Variants in RTN1 observed in about 807,000 individuals in gnomAD.
RTN1 encodes reticulon-1.
A neutral mutation model predicts 65.5 loss-of-function variants in RTN1; 25 were observed. The observed-to-expected ratio is 0.38, with a 90% CI of 0.28 to 0.53. The LOEUF (loss-of-function observed/expected upper bound fraction) is 0.53. Among genes scored for constraint, RTN1 ranks in the 20% least tolerant of loss-of-function variants. The probability of loss-of-function intolerance (pLI) is 0.79; values close to 1 mark genes in which losing one functional copy is unlikely to be tolerated. For missense variants in RTN1, 983 were observed against 1,025.4 expected (o/e 0.96, Z 0.57); for synonymous variants, 471 against 447.6 (o/e 1.05, Z -0.66).
chr14:59,710,740 G>C (rs957952088), intron 3 of RTN1, among the ~76,000 whole-genome samples: 1 of 152,194 alleles, frequency 6.6e-6, no homozygotes, highest in Non-Finnish European at 1.5e-5. Flanking sequence ...ATCCACAAAG[G>C]ACAGCCCATC....
chr14:59,610,226 G>A, intron 3 of RTN1: 1 of 714,550 alleles, frequency 1.4e-6, no homozygotes, highest in Admixed American at 2.1e-5. Context: ...GACTTTCCTT[G>A]AAGAAACTGT....
intron 3 of RTN1, 66 bp downstream of exon 3, chr14:59,726,853 C>G: frequency 1.4e-6 from 2 of 1,424,080 alleles, no homozygotes; most frequent in Non-Finnish European, 1.9e-6. Context: ...AGAACCGCCC[C>G]TGCTGAATGC....
rs1334208224 is a variant in RTN1 at position 59,870,657 on chromosome 14, G to A, written c.-27C>T. The A allele has an allele frequency of 2.2e-5, 30 of 1,353,914 alleles. No individual in the cohort carries two copies. Among genetic ancestry groups the A allele is most frequent in the Admixed American group, 3.7e-5 (1 of 27,008 alleles). The allele number at this position is 1,353,914 out of a possible 1,614,324, so 83.9% of individuals were successfully genotyped here. ...GCTGGCGGTCCCCCGGCGCGGCGAC[G>A]GCGGCTTGGCTGGGCAGAGGCTCGG... On this transcript the variant is annotated 5_prime_UTR_variant, in exon 1 of 9. Coordinates refer to ENST00000267484, the MANE Select transcript of RTN1 (RefSeq NM_021136.3). The surrounding 1 kb of genome is among the most constrained non-coding windows in gnomAD (Gnocchi z 5.1).
intron 3 of RTN1, among the ~76,000 whole-genome samples, chr14:59,678,218 G>A (rs867624713): frequency 3.3e-5 from 5 of 152,154 alleles, no homozygotes; most frequent in Admixed American, 1.3e-4. Context: ...GTAGGGGTGC[G>A]TGGGGAATGT....
intron 1 of RTN1, among the ~76,000 whole-genome samples, chr14:59,866,277 T>C (rs1220801764): frequency 6.6e-6 from 1 of 152,062 alleles, no homozygotes; most frequent in African/African-American, 2.4e-5. Flanking sequence ...ACCGCAATGG[T>C]TTCTCACTTT....
intron 3 of RTN1, among the ~76,000 whole-genome samples, chr14:59,711,297 CTT>C (rs1348588017): frequency 6.6e-6 from 1 of 152,216 alleles, no homozygotes; most frequent in African/African-American, 2.4e-5. Flanking sequence ...CAACTCAAGT[CTT>C]TTATTGCCTA....
At chr14:59,686,763 C>T (rs1259593438) in intron 3 of RTN1, among the ~76,000 whole-genome samples, 1 of 152,146 alleles carries the variant, frequency 6.6e-6, no homozygotes, top group Non-Finnish European at 1.5e-5. Context: ...TTTCTCCAAG[C>T]CCTGGAGGTA....
At chr14:59,693,769 T>C (rs1884008020) in intron 3 of RTN1, among the ~76,000 whole-genome samples, 1 of 152,250 alleles carries the variant, frequency 6.6e-6, no homozygotes, top group Non-Finnish European at 1.5e-5. Context: ...TGAATGCTGC[T>C]GTCCAAAGTT....
chr14:59,840,643 A>T (rs1887294093), intron 1 of RTN1, among the ~76,000 whole-genome samples: 1 of 152,184 alleles, frequency 6.6e-6, no homozygotes, highest in African/African-American at 2.4e-5. Flanking sequence ...TAATTCCAAA[A>T]CTAAAATATT....
chr14:59,640,003 T>C (rs186524184), intron 3 of RTN1, among the ~76,000 whole-genome samples: 2 of 152,348 alleles, frequency 1.3e-5, no homozygotes, highest in East Asian at 3.8e-4. Flanking sequence ...TCTTGCAATA[T>C]GCTTGTACAT....
chr14:59,733,519 G>C (rs1884944718), intron 2 of RTN1, among the ~76,000 whole-genome samples: 2 of 152,290 alleles, frequency 1.3e-5, no homozygotes, highest in South Asian at 4.1e-4. Flanking sequence ...CTGGGATGGA[G>C]TGCTCAGAGG....
chr14:59,660,977 G>C (rs758551225), intron 3 of RTN1, among the ~76,000 whole-genome samples: 4 of 151,254 alleles, frequency 2.6e-5, no homozygotes, highest in Non-Finnish European at 4.4e-5. Flanking sequence ...AAACAAAATA[G>C]ATAAGACTGC....
chr14:59,707,893 T>C (rs962716667), intron 3 of RTN1, among the ~76,000 whole-genome samples: 9 of 152,024 alleles, frequency 5.9e-5, no homozygotes, highest in African/African-American at 1.7e-4. Context: ...TGAAAAGAGA[T>C]TGCTGTGTTC....
At chr14:59,721,582 A>T (rs1884647916) in intron 3 of RTN1, among the ~76,000 whole-genome samples, 3 of 152,162 alleles carry the variant, frequency 2.0e-5, no homozygotes, top group African/African-American at 7.2e-5. Flanking sequence ...CTGAACAAGC[A>T]CTCCAAAAGG....
chr14:59,651,859 T>A (rs1883027172), intron 3 of RTN1, among the ~76,000 whole-genome samples: 1 of 152,102 alleles, frequency 6.6e-6, no homozygotes, highest in Admixed American at 6.6e-5. Context: ...TTAATTTAAA[T>A]TAAATTTGTT....
rs544596206 is a variant in RTN1, at chr14:59,676,102, A to G, written c.1765+50817T>C. ...CATCATTGTATCATTAATACCTAGC[A>G]TAGTGACTGACATATGGCAGACAGT... On this transcript the variant is annotated intron_variant, in intron 3 of 8. Coordinates refer to ENST00000267484, the MANE Select transcript of RTN1 (RefSeq NM_021136.3). Among the ~76,000 whole-genome samples the G allele has an allele frequency of 4.1e-4, 62 of 152,344 alleles. 2 individuals carry two copies. In the South Asian group the frequency reaches 0.013, roughly 32 times the overall value.
rs201164896 is a variant in RTN1 at position 59,605,453 on chromosome 14, G to A, written c.2027C>T (p.Thr676Met). The change falls in exon 5 of 9, where the codon ACG becomes ATG. Residue 676 changes from threonine to methionine, a missense_variant. Around this residue, in one of 2 missense-constraint regions of RTN1, gnomAD observed 165 missense variants for 223.6 expected, o/e 0.74. Transcript: ENST00000267484. ...TLSQEQIQKY[T>M]DCLQFYVNST... ...GTTCACGTAGAACTGCAGGCAGTCC[G>A]TGTACTTCTGAATCTGCTCCTGAGA... The A allele has an allele frequency of 5.6e-5, 90 of 1,613,862 alleles. No individual in the cohort carries two copies. The highest frequency in any genetic ancestry group is 8.9e-5 in the East Asian group (4 of 44,896).
At chr14:59,606,883 C>T (rs1242253932) in intron 4 of RTN1, among the ~76,000 whole-genome samples, 1 of 152,196 alleles carries the variant, frequency 6.6e-6, no homozygotes, top group Non-Finnish European at 1.5e-5. Context: ...GACCCAAATA[C>T]CCTAGTCCTG....
intron 3 of RTN1, among the ~76,000 whole-genome samples, chr14:59,612,109 G>T (rs566579946): frequency 6.6e-6 from 1 of 152,226 alleles, no homozygotes; most frequent in Non-Finnish European, 1.5e-5. Flanking sequence ...CTGATATTGG[G>T]TGCTGAATGA....
Sources: allele counts gnomAD v4.1 joint callset (sites outside exome capture counted in the v4.1 genomes callset), GRCh38; gene constraint gnomAD v4.1.1; regional missense constraint gnomAD v4.1.1; non-coding constraint Gnocchi (gnomAD v3.1); transcripts MANE v1.5; gene names NCBI Gene and HGNC (gene_info 2026-07-23, HGNC 2026-07-21).